The following DLGAP2 variants were observed in gnomAD, a reference collection of about 807,000 sequenced individuals.
The protein encoded by DLGAP2 is disks large-associated protein 2.
In DLGAP2, 26 loss-of-function variants were observed where a neutral mutation model predicts 100.3. That is an observed-to-expected ratio of 0.26 (90% CI 0.19 to 0.36). The LOEUF is 0.36. DLGAP2 is among the 10% of genes least tolerant of loss of function. The pLI is 1.00. For missense variants in DLGAP2, 1,858 were observed against 1,453.2 expected (o/e 1.28, Z -4.53); for synonymous variants, 886 against 630.1 (o/e 1.41, Z -6.08).
chr8:1,585,976 A>G (rs1190548677), intron 6 of DLGAP2, among the ~76,000 whole-genome samples: 1 of 152,232 alleles, frequency 6.6e-6, no homozygotes, highest in Non-Finnish European at 1.5e-5. Flanking sequence ...TACAATAAAC[A>G]TGAGGTCCCA....
At chr8:958,918 G>A (rs1306359687) in intron 2 of DLGAP2, among the ~76,000 whole-genome samples, 1 of 152,182 alleles carries the variant, frequency 6.6e-6, no homozygotes, top group African/African-American at 2.4e-5. Context: ...GGCTTGATAT[G>A]ATTTTATTAA....
chr8:1,654,292 T>C (rs1287275507), intron 8 of DLGAP2, among the ~76,000 whole-genome samples: 1 of 152,234 alleles, frequency 6.6e-6, no homozygotes, highest in East Asian at 1.9e-4. Context: ...CTCCAGTTCT[T>C]GGTCTCTTCA....
intron 2 of DLGAP2, among the ~76,000 whole-genome samples, chr8:1,176,979 C>T (rs902157809): frequency 3.3e-5 from 5 of 152,188 alleles, no homozygotes; most frequent in South Asian, 2.1e-4. Flanking sequence ...TTCACACAAG[C>T]GGTGGCCAGG....
chr8:809,088 G>T (rs943277507), intron 1 of DLGAP2, among the ~76,000 whole-genome samples: 1 of 151,858 alleles, frequency 6.6e-6, no homozygotes, highest in African/African-American at 2.4e-5. Flanking sequence ...TTTATTTTTA[G>T]TAGACAGGAT....
chr8:1,177,162 C>G (rs1487564407), intron 2 of DLGAP2, among the ~76,000 whole-genome samples: 1 of 152,188 alleles, frequency 6.6e-6, no homozygotes, highest in Admixed American at 6.5e-5. Flanking sequence ...CCCAGCACCC[C>G]ATGAATGAAG....
At chr8:1,292,790 C>T (rs1800088050) in intron 3 of DLGAP2, among the ~76,000 whole-genome samples, 1 of 152,008 alleles carries the variant, frequency 6.6e-6, no homozygotes, top group Non-Finnish European at 1.5e-5. Context: ...TCATGTCACC[C>T]CTCTTCTCGG....
intron 3 of DLGAP2, among the ~76,000 whole-genome samples, chr8:1,496,912 C>T (rs1799565419): frequency 6.6e-6 from 1 of 152,110 alleles, no homozygotes; most frequent in Non-Finnish European, 1.5e-5. Flanking sequence ...GCTACAGCTC[C>T]CCCAAGATGG....
intron 2 of DLGAP2, among the ~76,000 whole-genome samples, chr8:1,186,204 G>T (rs908993159): frequency 6.6e-6 from 1 of 152,252 alleles, no homozygotes; most frequent in African/African-American, 2.4e-5. Flanking sequence ...TGGCACCGAG[G>T]GCAGCGCTGC....
chr8:1,562,652 G>A (rs1166213659), intron 5 of DLGAP2, among the ~76,000 whole-genome samples: 7 of 60,494 alleles, frequency 1.2e-4, no homozygotes, highest in Admixed American at 7.8e-4. Flanking sequence ...CCTCGTTGCT[G>A]GGGGACTGTG....
At chr8:1,451,075 C>T (rs1311407217) in intron 3 of DLGAP2, among the ~76,000 whole-genome samples, 1 of 152,108 alleles carries the variant, frequency 6.6e-6, no homozygotes, top group Non-Finnish European at 1.5e-5. Flanking sequence ...TTTAAAGTTA[C>T]ATGAGTAACA....
chr8:1,556,097 G>A (rs145637044), intron 5 of DLGAP2, among the ~76,000 whole-genome samples: 75 of 152,348 alleles, frequency 4.9e-4, no homozygotes, highest in African/African-American at 1.7e-3. Context: ...CAGAAACCTT[G>A]TGACCTGTGA....
intron 3 of DLGAP2, among the ~76,000 whole-genome samples, chr8:1,282,080 C>T (rs1799826481): frequency 1.0e-5 from 1 of 98,560 alleles, no homozygotes; most frequent in East Asian, 4.1e-4. Context: ...CATGAACCAT[C>T]CGGACATGGT....
chr8:1,228,045 A>G (rs1358360974), intron 2 of DLGAP2, among the ~76,000 whole-genome samples: 1 of 151,530 alleles, frequency 6.6e-6, no homozygotes, highest in Non-Finnish European at 1.5e-5. Flanking sequence ...ACTTGGACAC[A>G]GGAAGGGGAA....
chr8:1,328,291 C>G (rs1260518709), intron 3 of DLGAP2, among the ~76,000 whole-genome samples: 1 of 151,756 alleles, frequency 6.6e-6, no homozygotes, highest in Non-Finnish European at 1.5e-5. Context: ...CCACCCACTT[C>G]AGCCTCCCAA....
chr8:1,572,170 G>T, intron 6 of DLGAP2, among the ~76,000 whole-genome samples: 1 of 131,146 alleles, frequency 7.6e-6, no homozygotes, highest in African/African-American at 3.0e-5. Flanking sequence ...GTGAACTGTG[G>T]GGGTGTCTGA....
chr8:1,053,589 C>T (rs1378551428), intron 2 of DLGAP2, among the ~76,000 whole-genome samples: 1 of 152,036 alleles, frequency 6.6e-6, no homozygotes, highest in Non-Finnish European at 1.5e-5. Flanking sequence ...CAGAAACACA[C>T]CAAGCAGAGG....
rs992046312 is a variant in DLGAP2 at position 1,706,449 on chromosome 8, G to C, written c.*5043G>C. 4 of 152,238 alleles carry C rather than the reference G, an allele frequency of 2.6e-5. No homozygotes were observed. The highest frequency in any genetic ancestry group is 9.6e-5 in the African/African-American group (4 of 41,454). The allele number at this position is 152,238 out of a possible 1,614,324, so 9.4% of individuals were successfully genotyped here. ...AGAATGCCGCCCTCCCAGCTCTGCA[G>C]GGCACGCTGCCAGAATCCAGGCTGG... is the stretch of plus-strand genomic sequence containing the variant. On this transcript the variant is annotated 3_prime_UTR_variant, in exon 15 of 15. Coordinates refer to ENST00000637795, the MANE Select transcript of DLGAP2 (RefSeq NM_001346810.2).
At chr8:1,492,751 C>G (rs1319407356) in intron 3 of DLGAP2, among the ~76,000 whole-genome samples, 1 of 152,184 alleles carries the variant, frequency 6.6e-6, no homozygotes, top group Non-Finnish European at 1.5e-5. Flanking sequence ...ATGCTCATGG[C>G]GACGCAGCCG....
intron 1 of DLGAP2, among the ~76,000 whole-genome samples, chr8:886,307 T>C (rs1797920928): frequency 6.6e-6 from 1 of 152,124 alleles, no homozygotes; most frequent in Admixed American, 6.5e-5. Flanking sequence ...ATTTTGTTAA[T>C]TTTTTTCAAA....
Sources: allele counts gnomAD v4.1 joint callset (sites outside exome capture counted in the v4.1 genomes callset), GRCh38; gene constraint gnomAD v4.1.1; transcripts MANE v1.5; gene names NCBI Gene and HGNC (gene_info 2026-07-23, HGNC 2026-07-21).